Variants in EPS15L1 observed in about 807,000 individuals in gnomAD.
EPS15L1 encodes the protein epidermal growth factor receptor pathway substrate 15 like 1, also known as epidermal growth factor receptor substrate 15-like 1.
In EPS15L1, 43 loss-of-function variants were observed where a neutral mutation model predicts 117.1. That is an observed-to-expected ratio of 0.37 (90% CI 0.29 to 0.47). EPS15L1 has a LOEUF of 0.47. Among genes scored for constraint, EPS15L1 ranks in the 20% least tolerant of loss-of-function variants. The probability of loss-of-function intolerance (pLI) is 0.99; values close to 1 mark genes in which losing one functional copy is unlikely to be tolerated. For missense variants in EPS15L1, 981 were observed against 1,164.0 expected (o/e 0.84, Z 2.29); for synonymous variants, 459 against 470.5 (o/e 0.98, Z 0.32).
At chr19:16,466,569 CA>C (rs2093307396) in intron 1 of EPS15L1, among the ~76,000 whole-genome samples, 1 of 152,116 alleles carries the variant, frequency 6.6e-6, no homozygotes, top group Admixed American at 6.6e-5. Flanking sequence ...AAGAAGATGC[CA>C]AATAAATACT....
chr19:16,461,306 A>T (rs868251579), intron 1 of EPS15L1, among the ~76,000 whole-genome samples: 13 of 94,916 alleles, frequency 1.4e-4, no homozygotes, highest in African/African-American at 5.0e-4. Context: ...TCCGTCTCTT[A>T]AAAAAAAAAA....
chr19:16,443,582 CACCTGTAA>C (rs905163021), intron 1 of EPS15L1: 64 of 152,230 alleles, frequency 4.2e-4, no homozygotes, highest in African/African-American at 1.5e-3. Context: ...TGGTGGCATG[CACCTGTAA>C]TCCCAGCTAC....
At chr19:16,435,310 C>G (rs1599645440) in intron 6 of EPS15L1, 1 of 152,152 alleles carries the variant, frequency 6.6e-6, no homozygotes, top group Non-Finnish European at 1.5e-5. Context: ...ATAGGAATAG[C>G]TCTTCATGAA....
chr19:16,377,101 G>A (rs367827551), intron 22 of EPS15L1, 21 bp downstream of exon 22: 21 of 1,578,952 alleles, frequency 1.3e-5, no homozygotes, highest in East Asian at 2.3e-5. Flanking sequence ...CGGTGGCTGC[G>A]AGAGAAGAAA....
intron 20 of EPS15L1, 95 bp from the exon 21 acceptor site, chr19:16,385,306 A>T: frequency 1.0e-6 from 1 of 1,002,496 alleles, no homozygotes; most frequent in Non-Finnish European, 1.6e-6. Context: ...CTGAACCAGG[A>T]GACTCAGGAA....
chr19:16,458,622 T>C (rs1490516635), intron 1 of EPS15L1, among the ~76,000 whole-genome samples: 1 of 151,990 alleles, frequency 6.6e-6, no homozygotes, highest in East Asian at 1.9e-4. Flanking sequence ...CTGAGCCCAG[T>C]CCTGAAAGTG....
chr19:16,417,508 C>T lies in EPS15L1; in HGVS notation c.1193+44G>A, dbSNP rs375249009. On this transcript the variant is annotated intron_variant, in intron 12 of 23. Coordinates refer to ENST00000455140, the MANE Select transcript of EPS15L1 (RefSeq NM_001258374.3). Reference sequence around the variant, plus strand: ...TTTCCGATAACAACCTGGGAGAGTTCGTGTAACATCTGGATGTGGAGGGAA... The same window carrying T: ...TTTCCGATAACAACCTGGGAGAGTTTGTGTAACATCTGGATGTGGAGGGAA... The T allele has an allele frequency of 4.1e-5, 61 of 1,495,180 alleles. No homozygotes were observed. In the Middle Eastern group the frequency reaches 6.9e-4, roughly 17 times the overall value. The allele number at this position is 1,495,180 out of a possible 1,614,324, so 92.6% of individuals were successfully genotyped here.
intron 1 of EPS15L1, among the ~76,000 whole-genome samples, chr19:16,458,151 G>T (rs1406804369): frequency 6.6e-6 from 1 of 152,144 alleles, no homozygotes; most frequent in Non-Finnish European, 1.5e-5. Flanking sequence ...CCCTGCCAAG[G>T]ACGCCAAGAT....
chr19:16,371,272 G>A lies in EPS15L1; in HGVS notation c.2380+5850C>T, dbSNP rs546325573. 6.6e-6 allele frequency among the ~76,000 whole-genome samples: 1 copy of A among 152,264 alleles called. No individual in the cohort carries two copies. The highest frequency in any genetic ancestry group is 2.1e-4 in the South Asian group (1 of 4,826). On this transcript the variant is annotated intron_variant, in intron 22 of 23. Transcript: ENST00000455140. The surrounding 1 kb of genome is among the most constrained non-coding windows in gnomAD (Gnocchi z 4.7). ...GGACCTCAGGGCTTCCTCGGTGGCT[G>A]CATCCTGTGTGGCACCCCCGGCAGG...
At chr19:16,428,902 C>G (rs903886315) in intron 7 of EPS15L1, 141 bp from the exon 8 acceptor site, 1 of 639,534 alleles carries the variant, frequency 1.6e-6, no homozygotes, top group Non-Finnish European at 2.8e-6. Context: ...AGGACCAGTC[C>G]GCGAGTTCTC....
rs184023243 is a variant in EPS15L1 at position 16,448,862 on chromosome 19, C to A, written c.34-6643G>T. Among the ~76,000 whole-genome samples, 18 of 151,962 alleles carry A rather than the reference C, an allele frequency of 1.2e-4. 1 individual carries two copies. Among genetic ancestry groups the A allele is most frequent in the African/African-American group, 4.3e-4 (18 of 41,498 alleles). On this transcript the variant is annotated intron_variant, in intron 1 of 23. Transcript: ENST00000455140. ...AAAGCCAGATAAAAAGGTGAAAAGG[C>A]AAGCTACAGACTAGAAAGAAAGGTT...
At chr19:16,444,063 C>CA (rs545605173) in intron 1 of EPS15L1, among the ~76,000 whole-genome samples, 1,081 of 37,122 alleles carry the variant, frequency 0.029, 43 homozygotes, top group African/African-American at 0.05. Context: ...GACTCCGTCT[C>CA]AAAAAAAAAA....
In EPS15L1 at chr19:16,421,388, A is replaced by G; in HGVS notation, c.881T>C (p.Val294Ala). Residue 294 changes from valine (V) to alanine (A), a missense_variant, in exon 10 of 24, where the codon GTG (valine) becomes GCG (alanine). By Grantham distance (64) the Val-to-Ala change is moderately conservative (BLOSUM62 0). This residue lies in a region of EPS15L1 where 819 missense variants were observed against 949.0 expected (regional missense o/e 0.86). Transcript: ENST00000455140. ...GATCTCCTTCACCTCCTGGCCACTC[A>G]CGTAGCCATCCAGGTCCAGGTCGGT... Reference protein sequence around the residue: ...LKTDLDLDGYVSGQEVKEIFM... With the variant: ...LKTDLDLDGYASGQEVKEIFM... 5 of 1,614,122 alleles carry G rather than the reference A, an allele frequency of 3.1e-6. No homozygotes were observed. The highest frequency in any genetic ancestry group is 4.2e-6 in the Non-Finnish European group (5 of 1,179,964).
chr19:16,464,972 A>G (rs1048305154), intron 1 of EPS15L1, among the ~76,000 whole-genome samples: 2 of 151,878 alleles, frequency 1.3e-5, no homozygotes, highest in African/African-American at 2.4e-5. Context: ...CCAGCTACGC[A>G]GGAGGCTGAG....
At chr19:16,437,724 C>A (rs1418571229) in intron 5 of EPS15L1, 46 bp downstream of exon 5, 1 of 1,347,466 alleles carries the variant, frequency 7.4e-7, no homozygotes, top group East Asian at 2.3e-5. Flanking sequence ...CACACACACA[C>A]ATCTGGTATT....
At chr19:16,380,593 A>T (rs1275679570) in intron 21 of EPS15L1, among the ~76,000 whole-genome samples, 1 of 152,172 alleles carries the variant, frequency 6.6e-6, no homozygotes, top group African/African-American at 2.4e-5. Flanking sequence ...ACACAGACGC[A>T]GCCATCTAAG....
At position 16,375,464 on chromosome 19, in the gene EPS15L1, A is replaced by ATG. The variant is rs1313788490; in HGVS notation, c.2380+1657_2380+1658insCA. 4.3e-3 allele frequency among the ~76,000 whole-genome samples: 412 copies of ATG among 96,846 alleles called. 2 individuals carry two copies. The highest frequency in any genetic ancestry group is 0.015 in the African/African-American group (389 of 25,718). 63.5% of individuals were successfully genotyped at this position (96,846 alleles called of 152,430 possible). A position where few individuals can be genotyped will look rare whatever the true frequency, so the allele number is the denominator to read the frequency against. Reference sequence around the variant, plus strand: ...GTGTGCATGCATTGTGATTATGCATATATGTGTGTGTGTGTGTGTGTGTGT... The same window carrying ATG: ...GTGTGCATGCATTGTGATTATGCATATGTATGTGTGTGTGTGTGTGTGTGTGT... On this transcript the variant is annotated intron_variant, in intron 22 of 23. Coordinates refer to ENST00000455140, the MANE Select transcript of EPS15L1 (RefSeq NM_001258374.3).
rs977952492 is a variant in EPS15L1 at position 16,367,598 on chromosome 19, C to T, written c.2381-5614G>A. Among the ~76,000 whole-genome samples the T allele has an allele frequency of 8.0e-5, 12 of 149,950 alleles. No individual in the cohort carries two copies. In the South Asian group the frequency reaches 1.1e-3, roughly 13 times the overall value. On this transcript the variant is annotated intron_variant, in intron 22 of 23. Coordinates refer to ENST00000455140, the MANE Select transcript of EPS15L1 (RefSeq NM_001258374.3). ...TTTCTCAAGCTTCTTCTCGAGGCTGCGCACGCCCCTAGCACCCGGGATCGG... is the reference window on the plus strand; with the variant it reads ...TTTCTCAAGCTTCTTCTCGAGGCTGTGCACGCCCCTAGCACCCGGGATCGG...
chr19:16,424,052 G>C (rs1467527369), intron 9 of EPS15L1, among the ~76,000 whole-genome samples: 1 of 152,184 alleles, frequency 6.6e-6, no homozygotes, highest in Admixed American at 6.5e-5. Flanking sequence ...CGTGGAGCTG[G>C]CTCTCCCAGT....
Sources: allele counts gnomAD v4.1 joint callset (sites outside exome capture counted in the v4.1 genomes callset), GRCh38; gene constraint gnomAD v4.1.1; regional missense constraint gnomAD v4.1.1; non-coding constraint Gnocchi (gnomAD v3.1); transcripts MANE v1.5; gene names NCBI Gene and HGNC (gene_info 2026-07-23, HGNC 2026-07-21).